Variants in ZNF780A observed in about 807,000 individuals in gnomAD.
ZNF780A encodes the protein zinc finger protein 780A.
Under a neutral mutation model 56.7 loss-of-function variants are expected in ZNF780A, and 40 were observed. That is an observed-to-expected ratio of 0.71 (90% confidence interval 0.55 to 0.92). The LOEUF (loss-of-function observed/expected upper bound fraction) is 0.92, where lower values mean the gene tolerates loss of function less well. Ranked by LOEUF, ZNF780A falls within the 40% of genes least tolerant of loss-of-function variation. The pLI is 0.00. For missense variants in ZNF780A, 672 were observed against 783.3 expected (o/e 0.86, Z 1.70); for synonymous variants, 231 against 248.3 (o/e 0.93, Z 0.66).
In ZNF780A at chr19:40,087,453, A is replaced by C. The variant is rs186567286; in HGVS notation, c.-45-2655T>G. Among the ~76,000 whole-genome samples the C allele has an allele frequency of 5.8e-3, 887 of 152,266 alleles. 6 individuals are homozygous for C. Among genetic ancestry groups the C allele is most frequent in the Middle Eastern group, 0.034 (10 of 294 alleles). On this transcript the variant is annotated intron_variant, in intron 2 of 5. Coordinates refer to ENST00000683561, the MANE Select transcript of ZNF780A (RefSeq NM_001142578.2). ...GTTCTATCTAGATCAATGGATCCAA[A>C]CCTCATGGGTCACATAAATTTTTTT...
rs7260610 is a variant in ZNF780A, at chr19:40,090,895, G to T, written c.-116+11C>A. 0.12 allele frequency: 18,090 copies of T among 152,426 alleles called. 2,079 individuals carry two copies. Among genetic ancestry groups the T allele is most frequent in the African/African-American group, 0.3 (12,606 of 41,494 alleles). The allele number at this position is 152,426 out of a possible 1,614,324, so 9.4% of individuals were successfully genotyped here. Reference sequence around the variant, plus strand: ...AGCCACAGATCTCTTCCTCAGACGTGAAGACCTTACCCCGCTATGTCGTCG... The same window carrying T: ...AGCCACAGATCTCTTCCTCAGACGTTAAGACCTTACCCCGCTATGTCGTCG... On this transcript the variant is annotated intron_variant, in intron 1 of 5. Coordinates refer to ENST00000683561, the MANE Select transcript of ZNF780A (RefSeq NM_001142578.2).
At chr19:40,076,357 C>T (rs1475723743) in intron 5 of ZNF780A, 148 bp from the exon 6 acceptor site, 10 of 765,614 alleles carry the variant, frequency 1.3e-5, no homozygotes, top group Middle Eastern at 3.8e-4. Context: ...GTAGATAGAA[C>T]CTTTCTCATA....
At position 40,075,031 on chromosome 19, in the gene ZNF780A, T is replaced by C. The variant is rs764145881; in HGVS notation, c.1411A>G (p.Lys471Glu). Residue 471 changes from lysine (K) to glutamate (E), a missense_variant, in exon 6 of 6, where the codon AAG (lysine) becomes GAG (glutamate). By Grantham distance (56) the Lys-to-Glu change is moderately conservative. Coordinates refer to ENST00000683561, the MANE Select transcript of ZNF780A (RefSeq NM_001142578.2). ...IEHSRIHTGDKPFECQDCGKA... is the reference protein window; with the variant it reads ...IEHSRIHTGDEPFECQDCGKA... ...CCACAGTCTTGACATTCAAATGGCT[T>C]GTCACCAGTATGAATTCGAGAATGT... The C allele has an allele frequency of 2.5e-6, 4 of 1,614,208 alleles. No individual in the cohort carries two copies. In the South Asian group the frequency reaches 4.4e-5, roughly 18 times the overall value.
At chr19:40,072,899 A>G (rs528950544), downstream of ZNF780A, 5 of 1,550,336 alleles carry the variant, frequency 3.2e-6, no homozygotes, top group Admixed American at 5.9e-5. Flanking sequence ...AGAGATAACC[A>G]AATGCAATGC....
At chr19:40,083,534 C>T (rs1306080622) in intron 3 of ZNF780A, among the ~76,000 whole-genome samples, 1 of 151,902 alleles carries the variant, frequency 6.6e-6, no homozygotes, top group Non-Finnish European at 1.5e-5. Flanking sequence ...TGTGGTATCA[C>T]GTACCTGTAG....
chr19:40,090,385 CAACCAG>C (rs1555745035), intron 1 of ZNF780A, 150 bp from the exon 2 acceptor site: 5 of 152,254 alleles, frequency 3.3e-5, no homozygotes, highest in Admixed American at 6.5e-5. Flanking sequence ...TCAACCAGTA[CAACCAG>C]TTTGGAGCTG....
chr19:40,077,449 C>T (rs1047569664), intron 5 of ZNF780A, among the ~76,000 whole-genome samples: 1 of 152,050 alleles, frequency 6.6e-6, no homozygotes, highest in African/African-American at 2.4e-5. Context: ...TTTTAAACAA[C>T]CAGGTCTTGC....
chr19:40,084,462 G>C lies in ZNF780A; in HGVS notation c.9+283C>G, dbSNP rs534632383. Among the ~76,000 whole-genome samples the C allele has an allele frequency of 2.6e-5, 4 of 152,226 alleles. No homozygotes were observed. The East Asian group carries it at 7.7e-4, about 29-fold the overall frequency. On this transcript the variant is annotated intron_variant, in intron 3 of 5. Transcript: ENST00000683561. ...CCCATAAGACCCTGTTTCCCTGTGG[G>C]GACTGATTCCTCCACTGTTCCAATA... is the stretch of plus-strand genomic sequence containing the variant.
chr19:40,084,502 G>A (rs1040941703), intron 3 of ZNF780A, among the ~76,000 whole-genome samples: 1 of 152,044 alleles, frequency 6.6e-6, no homozygotes, highest in Non-Finnish European at 1.5e-5. Context: ...TCCTGACCAA[G>A]GTCTGAGCAC....
chr19:40,078,071 G>T (rs1240350223), intron 5 of ZNF780A, among the ~76,000 whole-genome samples: 1 of 150,870 alleles, frequency 6.6e-6, no homozygotes, highest in Non-Finnish European at 1.5e-5. Flanking sequence ...AAAAACTCAG[G>T]ATAAGAAGAA....
intron 4 of ZNF780A, 131 bp from the exon 5 acceptor site, chr19:40,082,045 T>C (rs1599845114): frequency 3.6e-6 from 2 of 553,568 alleles, no homozygotes; most frequent in East Asian, 7.2e-5. Context: ...CAGATAAGAG[T>C]GAGAGGTTGA....
chr19:40,077,530 C>G (rs995938709), intron 5 of ZNF780A, among the ~76,000 whole-genome samples: 1 of 152,092 alleles, frequency 6.6e-6, no homozygotes, highest in Non-Finnish European at 1.5e-5. Context: ...AAATCCACCC[C>G]TATGATCCAA....
In ZNF780A at chr19:40,075,420, G is replaced by A. The variant is rs576021151; in HGVS notation, c.1022C>T (p.Ala341Val). 17 of 1,613,972 alleles carry A rather than the reference G, an allele frequency of 1.1e-5. No individual in the cohort carries two copies. Among genetic ancestry groups the A allele is most frequent in the Admixed American group, 3.3e-5 (2 of 60,010 alleles). ...AACAAGCTTTGTCAGAAGAGTAAACGCCTTTCCACATTCTTTACATTCAAA... is the reference window on the plus strand; with the variant it reads ...AACAAGCTTTGTCAGAAGAGTAAACACCTTTCCACATTCTTTACATTCAAA... ...KPFECKECGKAFTLLTKLVRH... is the reference protein window; with the variant it reads ...KPFECKECGKVFTLLTKLVRH... Residue 341 changes from alanine to valine, a missense_variant, in exon 6 of 6, where the codon GCG becomes GTG. Coordinates refer to ENST00000683561, the MANE Select transcript of ZNF780A (RefSeq NM_001142578.2).
Position 40,075,851 on chromosome 19 carries a change from C to T in ZNF780A, c.591G>A (p.Glu197=). 6.2e-7 allele frequency: 1 copy of T among 1,613,838 alleles called. No individual in the cohort carries two copies. The highest frequency in any genetic ancestry group is 2.2e-5 in the East Asian group (1 of 44,852). ...HTGEKPFECK[E]CGKAFRLHIQ... ...TGTGAAGTCGAAAGGCTTTCCCACA[C>T]TCCTTACATTCAAAGGGTTTCTCTC... Residue 197 remains glutamate (E), a synonymous_variant, in exon 6 of 6, where the codon GAG becomes GAA. Coordinates refer to ENST00000683561, the MANE Select transcript of ZNF780A (RefSeq NM_001142578.2).
intron 2 of ZNF780A, among the ~76,000 whole-genome samples, chr19:40,085,984 A>G (rs1455506336): frequency 6.8e-6 from 1 of 147,652 alleles, no homozygotes; most frequent in Non-Finnish European, 1.5e-5. Flanking sequence ...GTATATATAT[A>G]TTTATATATA....
chr19:40,073,856 T>C lies in ZNF780A; in HGVS notation c.*660A>G. 1 of 996,084 alleles carries C rather than the reference T, an allele frequency of 1.0e-6. No homozygotes were observed. 61.7% of individuals were successfully genotyped at this position (996,084 alleles called of 1,614,324 possible). A position where few individuals can be genotyped will look rare whatever the true frequency, so the allele number is the denominator to read the frequency against. On this transcript the variant is annotated 3_prime_UTR_variant, in exon 6 of 6. Coordinates refer to ENST00000683561, the MANE Select transcript of ZNF780A (RefSeq NM_001142578.2). Reference sequence around the variant, plus strand: ...CCACACTCCTTATTGTCACAAAATTTCTAACTATTCTGAATTTTCTGATGT... The same window carrying C: ...CCACACTCCTTATTGTCACAAAATTCCTAACTATTCTGAATTTTCTGATGT...
chr19:40,074,790 T>C lies in ZNF780A; in HGVS notation c.1652A>G (p.His551Arg). 1 of 1,614,148 alleles carries C rather than the reference T, an allele frequency of 6.2e-7. No homozygotes were observed. Among genetic ancestry groups the C allele is most frequent in the Non-Finnish European group, 8.5e-7 (1 of 1,179,972 alleles). The change falls in exon 6 of 6, where the codon CAT becomes CGT. Residue 551 changes from histidine to arginine, a missense_variant. Transcript: ENST00000683561. Reference protein sequence around the residue: ...GSNLNQHRSIHTGKKPFECKE... With the variant: ...GSNLNQHRSIRTGKKPFECKE... ...ACATTCAAAGGGTTTCTTTCCAGTATGAATACTTCGATGTTGATTAAGATT... is the reference window on the plus strand; with the variant it reads ...ACATTCAAAGGGTTTCTTTCCAGTACGAATACTTCGATGTTGATTAAGATT...
At chr19:40,086,912 A>C (rs1368725920) in intron 2 of ZNF780A, among the ~76,000 whole-genome samples, 1 of 152,148 alleles carries the variant, frequency 6.6e-6, no homozygotes, top group Non-Finnish European at 1.5e-5. Context: ...CACGTTGGCA[A>C]GGCTGGTCTC....
At chr19:40,090,530 T>A (rs1198109502) in intron 1 of ZNF780A, 1 of 152,196 alleles carries the variant, frequency 6.6e-6, no homozygotes, top group African/African-American at 2.4e-5. Flanking sequence ...CTGACCTCCC[T>A]ACTGGGGCCA....
Sources: gnomAD v4.1 joint callset for allele counts (sites outside exome capture counted in the v4.1 genomes callset) on GRCh38, gnomAD v4.1.1 for gene constraint, MANE v1.5 for transcripts, NCBI Gene and HGNC (gene_info 2026-07-23, HGNC 2026-07-21) for gene names.